The following SLC5A3 variants were observed in gnomAD, a reference collection of about 807,000 sequenced individuals.
The protein encoded by SLC5A3 is solute carrier family 5 member 3, also known as sodium/myo-inositol cotransporter.
In SLC5A3, 10 loss-of-function variants were observed where a neutral mutation model predicts 43.2. That is an observed-to-expected ratio of 0.23 (90% CI 0.14 to 0.39). The LOEUF (loss-of-function observed/expected upper bound fraction) is 0.39, where lower values mean the gene tolerates loss of function less well. SLC5A3 is among the 10% of genes least tolerant of loss of function. SLC5A3 has a pLI of 1.00. For missense variants in SLC5A3, 608 were observed against 893.4 expected (o/e 0.68, Z 4.07); for synonymous variants, 349 against 322.0 (o/e 1.08, Z -0.90).
At chr21:34,075,872 TCTAGGCTTATGAA>T (rs1427164378) in intron 1 of SLC5A3, among the ~76,000 whole-genome samples, 3 of 152,202 alleles carry the variant, frequency 2.0e-5, no homozygotes. Context: ...AAAAGTTAAC[TCTAGGCTTATGAA>T]ATGAAAAATG....
chr21:34,079,603 T>A (rs1036490524), intron 1 of SLC5A3, among the ~76,000 whole-genome samples: 1 of 2,286 alleles, frequency 4.4e-4, no homozygotes, highest in East Asian at 5.4e-3. Context: ...ACCCAGCTAA[T>A]TTTTTTTTTT....
At position 34,102,469 on chromosome 21, in the gene SLC5A3, C is replaced by T. The variant is rs2148661899; in HGVS notation, c.*5114C>T. ...CTAATTTATCCAGTAACCAACAACC[C>T]TAACCATTGGCATATATAGTCTTTC... On this transcript the variant is annotated 3_prime_UTR_variant, in exon 2 of 2. Coordinates refer to ENST00000381151, the MANE Select transcript of SLC5A3 (RefSeq NM_006933.7). 1.0e-6 allele frequency: 1 copy of T among 1,000,086 alleles called. No homozygotes were observed. Among genetic ancestry groups the T allele is most frequent in the Non-Finnish European group, 1.2e-6 (1 of 829,880 alleles). 62.0% of individuals were successfully genotyped at this position (1,000,086 alleles called of 1,614,324 possible). A position where few individuals can be genotyped will look rare whatever the true frequency, so the allele number is the denominator to read the frequency against.
intron 1 of SLC5A3, among the ~76,000 whole-genome samples, chr21:34,090,929 T>C (rs922172622): frequency 6.6e-6 from 1 of 152,226 alleles, no homozygotes; most frequent in Non-Finnish European, 1.5e-5. Context: ...TCTTACAGAA[T>C]CATGAAATCT....
chr21:34,076,579 G>A (rs528230346), intron 1 of SLC5A3, among the ~76,000 whole-genome samples: 3 of 152,288 alleles, frequency 2.0e-5, no homozygotes, highest in African/African-American at 7.2e-5. Flanking sequence ...TAGTTAACTA[G>A]TGTTTCTAAG....
rs1279750338 is a variant in SLC5A3 at position 34,103,143 on chromosome 21, A to G, written c.*5788A>G. The G allele has an allele frequency of 3.0e-6, 3 of 999,714 alleles. No homozygotes were observed. Among genetic ancestry groups the G allele is most frequent in the African/African-American group, 1.7e-5 (1 of 57,226 alleles). The allele number at this position is 999,714 out of a possible 1,614,324, so 61.9% of individuals were successfully genotyped here. On this transcript the variant is annotated 3_prime_UTR_variant, in exon 2 of 2. Coordinates refer to ENST00000381151, the MANE Select transcript of SLC5A3 (RefSeq NM_006933.7). Reference sequence around the variant, plus strand: ...GCTATTGCAGAAATCCCAAACTGGCAAAGGCCAGTATATATGGTATTCCAT... The same window carrying G: ...GCTATTGCAGAAATCCCAAACTGGCGAAGGCCAGTATATATGGTATTCCAT...
At chr21:34,090,137 C>G (rs1479978167) in intron 1 of SLC5A3, among the ~76,000 whole-genome samples, 1 of 152,220 alleles carries the variant, frequency 6.6e-6, no homozygotes, top group Non-Finnish European at 1.5e-5. Flanking sequence ...GATACTTAAT[C>G]TGTAGTGTTG....
chr21:34,081,282 C>T (rs896124288), intron 1 of SLC5A3, among the ~76,000 whole-genome samples: 2 of 152,036 alleles, frequency 1.3e-5, no homozygotes, highest in Admixed American at 6.6e-5. Flanking sequence ...CAGGGAACTC[C>T]AGGTCATCGA....
chr21:34,077,893 G>A (rs981008353), intron 1 of SLC5A3, among the ~76,000 whole-genome samples: 2 of 152,150 alleles, frequency 1.3e-5, no homozygotes, highest in African/African-American at 4.8e-5. Context: ...AGAACACCTG[G>A]CAAAAGTTTT....
intron 1 of SLC5A3, among the ~76,000 whole-genome samples, chr21:34,079,921 T>C (rs905480600): frequency 1.6e-4 from 24 of 152,206 alleles, no homozygotes; most frequent in African/African-American, 5.6e-4. Flanking sequence ...GCCTCTGTTA[T>C]TGCTTATTTC....
At chr21:34,093,077 CT>C (rs1326334711) in intron 1 of SLC5A3, among the ~76,000 whole-genome samples, 1 of 152,090 alleles carries the variant, frequency 6.6e-6, no homozygotes, top group African/African-American at 2.4e-5. Flanking sequence ...TACTAGTCAT[CT>C]GATTAGATTT....
chr21:34,101,180 C>T lies in SLC5A3; in HGVS notation c.*3825C>T, dbSNP rs1424341581. On this transcript the variant is annotated 3_prime_UTR_variant, in exon 2 of 2. Transcript: ENST00000381151. ...TACCTGGGTGACACAGATATTAGCC[C>T]GTTGGTAAAAGACAACAAATATTAG... 7 of 999,866 alleles carry T rather than the reference C, an allele frequency of 7.0e-6. No individual in the cohort carries two copies. The highest frequency in any genetic ancestry group is 4.7e-5 in the South Asian group (1 of 21,280). 61.9% of individuals were successfully genotyped at this position (999,866 alleles called of 1,614,324 possible). A position where few individuals can be genotyped will look rare whatever the true frequency, so the allele number is the denominator to read the frequency against.
In SLC5A3 at chr21:34,095,112, GTT is replaced by G; in HGVS notation, c.-85_-84del. ...CTCTGTGTAGTCCAGTTCACGTATGGTTTACAGACTTGGCTGGGGTTACTAAA... is the reference window on the plus strand; with the variant it reads ...CTCTGTGTAGTCCAGTTCACGTATGGTACAGACTTGGCTGGGGTTACTAAA... On this transcript the variant is annotated 5_prime_UTR_variant, in exon 2 of 2. An upstream open reading frame in the 5' UTR loses its in-frame stop. Transcript: ENST00000381151. 6.6e-7 allele frequency: 1 copy of G among 1,526,178 alleles called. No individual in the cohort carries two copies. 94.5% of individuals were successfully genotyped at this position (1,526,178 alleles called of 1,614,324 possible).
chr21:34,092,841 A>G (rs1168844289), intron 1 of SLC5A3, among the ~76,000 whole-genome samples: 4 of 152,118 alleles, frequency 2.6e-5, no homozygotes, highest in African/African-American at 4.8e-5. Context: ...CGTGGTTGCT[A>G]CTGCCATTGG....
chr21:34,075,561 G>T (rs1222546753), intron 1 of SLC5A3, among the ~76,000 whole-genome samples: 1 of 152,118 alleles, frequency 6.6e-6, no homozygotes, highest in Non-Finnish European at 1.5e-5. Flanking sequence ...AAGAAAAAAA[G>T]CCCTAGAAAG....
In SLC5A3 at chr21:34,096,042, A is replaced by G. The variant is rs1464724971; in HGVS notation, c.844A>G (p.Ile282Val). ...ATGGTACTGGTGTGCTGACCAAGTC[A>G]TCGTGCAGAGGGTCCTTGCAGCCAA... ...SVWYWCADQV[I>V]VQRVLAAKNI... is the part of the protein sequence containing the mutation. Residue 282 changes from isoleucine to valine, a missense_variant, in exon 2 of 2, where the codon ATC (isoleucine) becomes GTC (valine). Physicochemically the swap from Ile to Val is conservative, Grantham distance 29. Coordinates refer to ENST00000381151, the MANE Select transcript of SLC5A3 (RefSeq NM_006933.7). This position sits in a 1 kb window ranked among gnomAD's most constrained non-coding sequence, Gnocchi z 5.9. The G allele has an allele frequency of 2.5e-6, 4 of 1,614,020 alleles. No homozygotes were observed. Among genetic ancestry groups the G allele is most frequent in the Admixed American group, 1.7e-5 (1 of 59,990 alleles).
In SLC5A3 at chr21:34,096,637, T is replaced by C; in HGVS notation, c.1439T>C (p.Leu480Pro). 6.2e-7 allele frequency: 1 copy of C among 1,614,176 alleles called. No individual in the cohort carries two copies. The highest frequency in any genetic ancestry group is 8.5e-7 in the Non-Finnish European group (1 of 1,179,996). ...AFYGGMAGFV[L>P]GAVRLILAFA... is the part of the protein sequence containing the mutation. ...TATGGTGGAATGGCTGGCTTTGTTC[T>C]TGGAGCAGTCCGTTTGATACTGGCC... Residue 480 changes from leucine (L) to proline (P), a missense_variant, in exon 2 of 2, where the codon CTT becomes CCT. Transcript: ENST00000381151. This position sits in a 1 kb window ranked among gnomAD's most constrained non-coding sequence, Gnocchi z 5.9.
intron 1 of SLC5A3, among the ~76,000 whole-genome samples, chr21:34,079,392 T>G (rs1290024647): frequency 6.6e-6 from 1 of 152,144 alleles, no homozygotes; most frequent in Non-Finnish European, 1.5e-5. Flanking sequence ...CTTGGCTTCT[T>G]ATGCTGCTGT....
Position 34,102,687 on chromosome 21 carries a change from AAGC to A in SLC5A3, c.*5336_*5338del. On this transcript the variant is annotated 3_prime_UTR_variant, in exon 2 of 2. Coordinates refer to ENST00000381151, the MANE Select transcript of SLC5A3 (RefSeq NM_006933.7). ...AAGAGAAAGGATGCTAGAATAAAGTAAGCAGCTGAAGAGCGAGCAAATCAAGAC... is the reference window on the plus strand; with the variant it reads ...AAGAGAAAGGATGCTAGAATAAAGTAAGCTGAAGAGCGAGCAAATCAAGAC... The A allele has an allele frequency of 1.1e-5, 11 of 1,000,176 alleles. No individual in the cohort carries two copies. Among genetic ancestry groups the A allele is most frequent in the Non-Finnish European group, 1.3e-5 (11 of 829,888 alleles). 62.0% of individuals were successfully genotyped at this position (1,000,176 alleles called of 1,614,324 possible).
chr21:34,096,268 A>G lies in SLC5A3; in HGVS notation c.1070A>G (p.Lys357Arg). The change falls in exon 2 of 2, where the codon AAG (lysine) becomes AGG (arginine). Residue 357 changes from lysine to arginine, a missense_variant. Lys to Arg is a conservative substitution (Grantham distance 26). Transcript: ENST00000381151. This position sits in a 1 kb window ranked among gnomAD's most constrained non-coding sequence, Gnocchi z 5.9. ...SNIAYPRLVM[K>R]LVPVGLRGLM... is the part of the protein sequence containing the mutation. ...ATTGCTTACCCACGCCTGGTGATGA[A>G]GCTGGTTCCTGTGGGCCTTCGGGGT... 2 of 1,614,106 alleles carry G rather than the reference A, an allele frequency of 1.2e-6. No individual in the cohort carries two copies. The highest frequency in any genetic ancestry group is 1.7e-6 in the Non-Finnish European group (2 of 1,180,006).
Sources: allele counts gnomAD v4.1 joint callset (sites outside exome capture counted in the v4.1 genomes callset), GRCh38; gene constraint gnomAD v4.1.1; non-coding constraint Gnocchi (gnomAD v3.1); transcripts MANE v1.5; gene names NCBI Gene and HGNC (gene_info 2026-07-23, HGNC 2026-07-21).